ADGRB3: variants seen among roughly 807,000 people sequenced by gnomAD.
ADGRB3 encodes brain-specific angiogenesis inhibitor 3.
ADGRB3 carries 37 observed loss-of-function variants against 193.4 expected under a neutral mutation model. The ratio of observed to expected loss-of-function variants is 0.19; its 90% CI spans 0.15 to 0.25. ADGRB3 has a LOEUF of 0.25. ADGRB3 is among the 10% of genes least tolerant of loss of function. The pLI, the probability that ADGRB3 is intolerant of heterozygous loss-of-function variation, is 1.00. For synonymous variants in ADGRB3, 690 were observed against 644.2 expected (o/e 1.07, Z -1.08); for missense variants, 1,637 against 1,852.9 (o/e 0.88, Z 2.14).
intron 3 of ADGRB3, among the ~76,000 whole-genome samples, chr6:68,853,613 C>T (rs767134737): frequency 4.6e-5 from 7 of 151,926 alleles, no homozygotes; most frequent in Non-Finnish European, 1.0e-4. Flanking sequence ...TTATACATAG[C>T]TCTCTAAGGG....
At chr6:69,285,214 G>A (rs1767522282) in intron 20 of ADGRB3, among the ~76,000 whole-genome samples, 1 of 152,154 alleles carries the variant, frequency 6.6e-6, no homozygotes, top group Admixed American at 6.5e-5. Context: ...ACTATACACT[G>A]AGTACTTAAG....
intron 23 of ADGRB3, chr6:69,332,440 A>G (rs887130493): frequency 1.0e-6 from 1 of 985,308 alleles, no homozygotes; most frequent in African/African-American, 1.7e-5. Context: ...GAATAACCAC[A>G]CAGCATGAGG....
At chr6:68,662,440 G>C (rs1768686396) in intron 3 of ADGRB3, among the ~76,000 whole-genome samples, 1 of 151,504 alleles carries the variant, frequency 6.6e-6, no homozygotes, top group Non-Finnish European at 1.5e-5. Flanking sequence ...GTCAAATATT[G>C]AAAAGAAAAA....
chr6:68,810,078 A>G (rs1351700992), intron 3 of ADGRB3, among the ~76,000 whole-genome samples: 1 of 152,092 alleles, frequency 6.6e-6, no homozygotes, highest in African/African-American at 2.4e-5. Context: ...TTTTCCTGAC[A>G]TTTCACTGAT....
chr6:69,359,925 C>T (rs1769416995), intron 28 of ADGRB3, among the ~76,000 whole-genome samples: 1 of 151,664 alleles, frequency 6.6e-6, no homozygotes, highest in African/African-American at 2.4e-5. Flanking sequence ...ACTAAGCATG[C>T]TTTGTGTTAT....
chr6:69,215,893 C>G (rs916188195), intron 17 of ADGRB3, among the ~76,000 whole-genome samples: 1 of 152,116 alleles, frequency 6.6e-6, no homozygotes, highest in African/African-American at 2.4e-5. Context: ...CTGGATGTTG[C>G]TAACTCCTTT....
At chr6:68,873,663 T>A (rs979637242) in intron 3 of ADGRB3, among the ~76,000 whole-genome samples, 3 of 152,134 alleles carry the variant, frequency 2.0e-5, no homozygotes, top group African/African-American at 7.2e-5. Context: ...CAACCTTAAA[T>A]TATTGACTAT....
At chr6:69,094,883 G>C (rs1253168084) in intron 17 of ADGRB3, among the ~76,000 whole-genome samples, 1 of 152,050 alleles carries the variant, frequency 6.6e-6, no homozygotes, top group Non-Finnish European at 1.5e-5. Flanking sequence ...TGCTTATTTA[G>C]ATCATTATAA....
rs1351614475 is a variant in ADGRB3 at position 69,388,636 on chromosome 6, G to A, written c.4381-67G>A. On this transcript the variant is annotated intron_variant, in intron 31 of 31. Coordinates refer to ENST00000370598, the MANE Select transcript of ADGRB3 (RefSeq NM_001704.3). ...AAGATTACAAACACGCTCTCTTCCT[G>A]GAAACTTCAACTAGCGGTGATCCTG... is the stretch of plus-strand genomic sequence containing the variant. The A allele has an allele frequency of 2.8e-6, 4 of 1,451,552 alleles. No homozygotes were observed. In the African/African-American group the frequency reaches 5.7e-5, roughly 21 times the overall value. The allele number at this position is 1,451,552 out of a possible 1,614,324, so 89.9% of individuals were successfully genotyped here. A position where few individuals can be genotyped will look rare whatever the true frequency, so the allele number is the denominator to read the frequency against.
rs867272185 is a variant in ADGRB3 at position 68,806,822 on chromosome 6, C to T, written c.758-123737C>T. 4.6e-5 allele frequency among the ~76,000 whole-genome samples: 7 copies of T among 152,018 alleles called. No homozygotes were observed. In the South Asian group the frequency reaches 1.0e-3, roughly 23 times the overall value. On this transcript the variant is annotated intron_variant, in intron 3 of 31. Coordinates refer to ENST00000370598, the MANE Select transcript of ADGRB3 (RefSeq NM_001704.3). The stretch of plus-strand genomic sequence containing the variant: ...ATATACCATAATTTTAGAGTAGTTC[C>T]TATACTCAACTTTTAGAATATATTT...
Position 69,182,157 on chromosome 6 carries a change from A to G in ADGRB3, c.2481-51133A>G, listed in dbSNP as rs141891001. On this transcript the variant is annotated intron_variant, in intron 17 of 31. Transcript: ENST00000370598. Reference sequence around the variant, plus strand: ...CACCCATGAGACAGGAGAGGATCTTATGACACACGTATAAAACTGGGTTAT... The same window carrying G: ...CACCCATGAGACAGGAGAGGATCTTGTGACACACGTATAAAACTGGGTTAT... 1.9e-3 allele frequency among the ~76,000 whole-genome samples: 291 copies of G among 152,320 alleles called. 2 individuals are homozygous for G. Among genetic ancestry groups the G allele is most frequent in the South Asian group, 0.011 (52 of 4,826 alleles).
intron 3 of ADGRB3, among the ~76,000 whole-genome samples, chr6:68,817,585 T>A (rs1050808620): frequency 6.6e-6 from 1 of 151,628 alleles, no homozygotes; most frequent in African/African-American, 2.4e-5. Flanking sequence ...ATAGAACATA[T>A]CTAGTGAAAC....
chr6:68,734,981 A>G (rs994122523), intron 3 of ADGRB3, among the ~76,000 whole-genome samples: 1 of 152,036 alleles, frequency 6.6e-6, no homozygotes, highest in African/African-American at 2.4e-5. Context: ...GAGATGACAC[A>G]GGGTCAAATA....
At chr6:69,022,947 A>G (rs1268479921) in intron 13 of ADGRB3, among the ~76,000 whole-genome samples, 1 of 151,998 alleles carries the variant, frequency 6.6e-6, no homozygotes, top group Non-Finnish European at 1.5e-5. Flanking sequence ...TTTCAGTTAT[A>G]TATTTTTATA....
rs754650028 is a variant in ADGRB3 at position 69,188,894 on chromosome 6, TA to T, written c.2481-44395del. Among the ~76,000 whole-genome samples the T allele has an allele frequency of 5.3e-5, 8 of 152,206 alleles. No homozygotes were observed. In the East Asian group the frequency reaches 7.7e-4, roughly 15 times the overall value. On this transcript the variant is annotated intron_variant, in intron 17 of 31. Coordinates refer to ENST00000370598, the MANE Select transcript of ADGRB3 (RefSeq NM_001704.3). ...GATGGCACAAATACTGAAATTTAAT[TA>T]TAAATGCCTTTTTATATGTATCTGC...
At chr6:68,878,770 A>C (rs1765656656) in intron 3 of ADGRB3, among the ~76,000 whole-genome samples, 1 of 152,190 alleles carries the variant, frequency 6.6e-6, no homozygotes, top group African/African-American at 2.4e-5. Context: ...GGCAATTTAC[A>C]AAAGAAAGAG....
chr6:69,244,564 A>T (rs977999066), intron 20 of ADGRB3, among the ~76,000 whole-genome samples: 1 of 152,064 alleles, frequency 6.6e-6, no homozygotes, highest in Non-Finnish European at 1.5e-5. Context: ...ATTTACAGCT[A>T]TCCATTCAGT....
At chr6:68,988,294 T>C (rs981057598) in intron 10 of ADGRB3, among the ~76,000 whole-genome samples, 37 of 152,148 alleles carry the variant, frequency 2.4e-4, no homozygotes, top group African/African-American at 8.4e-4. Context: ...CATATCATGA[T>C]TGCAGTTATC....
chr6:69,340,715 A>G (rs1037862802), intron 26 of ADGRB3, among the ~76,000 whole-genome samples: 7 of 152,144 alleles, frequency 4.6e-5, no homozygotes, highest in African/African-American at 1.7e-4. Context: ...TGCTGCACCC[A>G]TCAACCTGTC....
Sources: gnomAD v4.1 joint callset for allele counts (sites outside exome capture counted in the v4.1 genomes callset) on GRCh38, gnomAD v4.1.1 for gene constraint, MANE v1.5 for transcripts, NCBI Gene and HGNC (gene_info 2026-07-23, HGNC 2026-07-21) for gene names.